UVRAG: variants seen among roughly 807,000 people sequenced by gnomAD.
UVRAG encodes the protein UV radiation resistance-associated gene protein.
Under a neutral mutation model 78.0 loss-of-function variants are expected in UVRAG, and 19 were observed. The ratio of observed to expected loss-of-function variants is 0.24; its 90% CI spans 0.17 to 0.36. UVRAG has a LOEUF of 0.36. UVRAG is among the 10% of genes least tolerant of loss of function. UVRAG has a pLI of 1.00. For synonymous variants in UVRAG, 323 were observed against 324.6 expected (o/e 1.00, Z 0.05); for missense variants, 740 against 853.8 (o/e 0.87, Z 1.66).
chr11:75,850,265 G>A (rs1214806443), intron 1 of UVRAG, among the ~76,000 whole-genome samples: 1 of 152,180 alleles, frequency 6.6e-6, no homozygotes, highest in Non-Finnish European at 1.5e-5. Flanking sequence ...GGTCCCTGGA[G>A]ACCCTATTCT....
At chr11:75,955,791 G>A (rs1195143668) in intron 6 of UVRAG, among the ~76,000 whole-genome samples, 2 of 152,154 alleles carry the variant, frequency 1.3e-5, no homozygotes, top group Non-Finnish European at 2.9e-5. Context: ...AGAAGGCTGA[G>A]GCAGGAAGAT....
chr11:76,105,834 G>GT (rs1441362452), intron 13 of UVRAG, among the ~76,000 whole-genome samples: 1 of 152,128 alleles, frequency 6.6e-6, no homozygotes, highest in African/African-American at 2.4e-5. Context: ...AAAACTGACA[G>GT]TATCAAGTGC....
At chr11:76,057,960 G>C (rs1022569480) in intron 12 of UVRAG, among the ~76,000 whole-genome samples, 1 of 151,990 alleles carries the variant, frequency 6.6e-6, no homozygotes, top group East Asian at 1.9e-4. Context: ...AATGAGGCTC[G>C]TGTGGTTTTT....
intron 12 of UVRAG, among the ~76,000 whole-genome samples, chr11:76,051,048 A>G (rs919250604): frequency 3.9e-5 from 6 of 152,220 alleles, no homozygotes; most frequent in African/African-American, 1.4e-4. Context: ...TCAGCACTGT[A>G]TAAGGAAGCA....
chr11:75,908,712 C>CTTTTTTTTTTTTTTTT (rs1024795820), intron 5 of UVRAG, among the ~76,000 whole-genome samples: 1 of 45,444 alleles, frequency 2.2e-5, no homozygotes, highest in African/African-American at 8.6e-5. Context: ...TGGTTCTGGG[C>CTTTTTTTTTTTTTTTT]TTTTTTTTTT....
At chr11:75,854,144 A>G (rs1946232469) in intron 2 of UVRAG, among the ~76,000 whole-genome samples, 1 of 152,180 alleles carries the variant, frequency 6.6e-6, no homozygotes, top group Non-Finnish European at 1.5e-5. Context: ...CAAATACCAC[A>G]ACTCTTAGTG....
At chr11:75,984,100 T>C (rs1482830144) in intron 8 of UVRAG, among the ~76,000 whole-genome samples, 1 of 152,212 alleles carries the variant, frequency 6.6e-6, no homozygotes, top group African/African-American at 2.4e-5. Flanking sequence ...GCAAAAGTTA[T>C]ATACATGTGG....
chr11:75,824,934 A>G (rs556784924), intron 1 of UVRAG, among the ~76,000 whole-genome samples: 7 of 152,170 alleles, frequency 4.6e-5, no homozygotes, highest in African/African-American at 1.4e-4. Context: ...CGGCCTCCCA[A>G]TGTGCTGGGA....
At chr11:75,911,145 A>T (rs1474161142) in intron 5 of UVRAG, 2 of 154,626 alleles carry the variant, frequency 1.3e-5, no homozygotes, top group African/African-American at 4.8e-5. Flanking sequence ...AAACAAATCC[A>T]GTGTTCATGC....
intron 2 of UVRAG, among the ~76,000 whole-genome samples, chr11:75,853,892 C>G (rs1245524179): frequency 6.6e-6 from 1 of 151,992 alleles, no homozygotes; most frequent in Non-Finnish European, 1.5e-5. Flanking sequence ...CCTGCCTCAG[C>G]CTCCTGAGTA....
At chr11:76,134,707 C>G (rs1304967059) in intron 14 of UVRAG, among the ~76,000 whole-genome samples, 2 of 152,180 alleles carry the variant, frequency 1.3e-5, no homozygotes, top group African/African-American at 2.4e-5. Context: ...ATAATGACAA[C>G]CACCACAATT....
chr11:76,038,082 C>G (rs1359618722), intron 12 of UVRAG, among the ~76,000 whole-genome samples: 2 of 151,604 alleles, frequency 1.3e-5, no homozygotes, highest in South Asian at 2.1e-4. Context: ...CTAGAAGTAC[C>G]CATGAATTAA....
At chr11:75,876,420 A>T (rs1490336939) in intron 3 of UVRAG, among the ~76,000 whole-genome samples, 1 of 151,932 alleles carries the variant, frequency 6.6e-6, no homozygotes, top group Non-Finnish European at 1.5e-5. Context: ...AGTGTGGATC[A>T]GCATAGTTAC....
intron 6 of UVRAG, among the ~76,000 whole-genome samples, chr11:75,936,466 C>A (rs1948375428): frequency 6.6e-6 from 1 of 152,122 alleles, no homozygotes; most frequent in Non-Finnish European, 1.5e-5. Context: ...TCAGCTTTTT[C>A]TGTTTAATTG....
Position 76,055,717 on chromosome 11 carries a change from CT to C in UVRAG, c.1227-9983del, listed in dbSNP as rs879634726. On this transcript the variant is annotated intron_variant, in intron 12 of 14. Coordinates refer to ENST00000356136, the MANE Select transcript of UVRAG (RefSeq NM_003369.4). ...TTTATATGTAATGAAATATACAAACCTTTTTTTTTTGAGACGGAGTCTCACT... is the reference window on the plus strand; with the variant it reads ...TTTATATGTAATGAAATATACAAACCTTTTTTTTTGAGACGGAGTCTCACT... 2.7e-5 allele frequency among the ~76,000 whole-genome samples: 4 copies of C among 148,226 alleles called. No individual in the cohort carries two copies. The East Asian group carries it at 5.9e-4, about 22-fold the overall frequency.
intron 13 of UVRAG, among the ~76,000 whole-genome samples, chr11:76,094,424 G>T (rs1291365309): frequency 1.3e-5 from 2 of 152,190 alleles, no homozygotes; most frequent in Non-Finnish European, 2.9e-5. Flanking sequence ...AATAGTTTCA[G>T]AAGGAATGGT....
intron 12 of UVRAG, among the ~76,000 whole-genome samples, chr11:76,017,868 C>T (rs1371153022): frequency 4.6e-5 from 7 of 151,674 alleles, no homozygotes; most frequent in Admixed American, 4.6e-4. Flanking sequence ...AGCAGACCTG[C>T]AGTAAAGGAA....
chr11:75,874,868 G>A (rs1946732176), intron 3 of UVRAG, among the ~76,000 whole-genome samples: 5 of 152,142 alleles, frequency 3.3e-5, no homozygotes, highest in Admixed American at 3.3e-4. Context: ...CTACCACTCT[G>A]CCTGTCAGCT....
At chr11:75,913,557 A>G (rs932275641) in intron 6 of UVRAG, among the ~76,000 whole-genome samples, 2 of 152,168 alleles carry the variant, frequency 1.3e-5, no homozygotes, top group Non-Finnish European at 2.9e-5. Context: ...GCATTTTCAC[A>G]TTTTTTATCT....
Sources: gnomAD v4.1 joint callset for allele counts (sites outside exome capture counted in the v4.1 genomes callset) on GRCh38, gnomAD v4.1.1 for gene constraint, MANE v1.5 for transcripts, NCBI Gene and HGNC (gene_info 2026-07-23, HGNC 2026-07-21) for gene names.